VPS51: variants seen among roughly 807,000 people sequenced by gnomAD.
VPS51 encodes the protein VPS51 subunit of GARP complex.
A neutral mutation model predicts 65.1 loss-of-function variants in VPS51; 55 were observed. The observed-to-expected ratio is 0.84, with a 90% CI of 0.68 to 1.06. The LOEUF (loss-of-function observed/expected upper bound fraction) is 1.06, where lower values mean the gene tolerates loss of function less well. VPS51 is among the 50% of genes least tolerant of loss of function. The pLI is 0.00. For synonymous variants in VPS51, 473 were observed against 489.5 expected, an observed-to-expected ratio of 0.97 and a Z score of 0.44; for missense variants, 943 against 1,101.6, an observed-to-expected ratio of 0.86 and a Z score of 2.04.
chr11:65,107,814 CTGCTGCGGAAGCTGCAGT>C lies in VPS51; in HGVS notation c.519_536del (p.Arg175_Leu180del), dbSNP rs1565314150. ...CCTCCGTCCCCCAGGGGTCCACGCG[CTGCTGCGGAAGCTGCAGT>C]TCCTCTTTGAGCTGCCCTCGCGCCT... On this transcript the variant is annotated inframe_deletion, in exon 4 of 10. Transcript: ENST00000279281. The surrounding 1 kb of genome is among the most constrained non-coding windows in gnomAD (Gnocchi z 4.0). 2 of 1,569,588 alleles carry C rather than the reference CTGCTGCGGAAGCTGCAGT, an allele frequency of 1.3e-6. No individual in the cohort carries two copies.
chr11:65,110,018 T>C, intron 7 of VPS51, 95 bp downstream of exon 7: 1 of 1,307,696 alleles, frequency 7.6e-7, no homozygotes, highest in South Asian at 1.4e-5. Flanking sequence ...TGGCAGTCCC[T>C]GCCTGGAGGA....
chr11:65,102,270 G>A (rs1947814730), intron 2 of VPS51, among the ~76,000 whole-genome samples: 1 of 152,176 alleles, frequency 6.6e-6, no homozygotes, highest in African/African-American at 2.4e-5. Context: ...GCCTCCCAAA[G>A]TGCTGGGGTT....
Position 65,107,731 on chromosome 11 carries a change from G to A in VPS51, c.505+4G>A, listed in dbSNP as rs1294834294. ...GAGCGCATCACCAAGCTGGCAGGTG[G>A]GCGCTGCCGGGCAGGGCCTGCAGTG... On this transcript the variant is annotated splice_donor_region_variant and intron_variant, in intron 3 of 9. Transcript: ENST00000279281. This position sits in a 1 kb window ranked among gnomAD's most constrained non-coding sequence, Gnocchi z 4.0. 5 of 1,606,620 alleles carry A rather than the reference G, an allele frequency of 3.1e-6. No individual in the cohort carries two copies. Among genetic ancestry groups the A allele is most frequent in the Non-Finnish European group, 3.4e-6 (4 of 1,175,954 alleles).
chr11:65,109,945 G>A (rs1565317218), intron 7 of VPS51, 22 bp downstream of exon 7: 2 of 1,570,946 alleles, frequency 1.3e-6, no homozygotes, highest in South Asian at 1.2e-5. Context: ...GCTGGCCGGG[G>A]TAGCCCTGAC....
At chr11:65,097,217 G>A (rs1411090106) in intron 2 of VPS51, 90 bp downstream of exon 2, 3 of 1,561,952 alleles carry the variant, frequency 1.9e-6, no homozygotes, top group African/African-American at 1.4e-5. Flanking sequence ...TTAGAGGGGG[G>A]AGACTCAGAT....
intron 9 of VPS51, 56 bp downstream of exon 9, chr11:65,110,837 G>A (rs752013794): frequency 6.2e-7 from 1 of 1,602,792 alleles, no homozygotes; most frequent in African/African-American, 1.3e-5. Flanking sequence ...GTTGGCTGGA[G>A]CAGCCCCACA....
At chr11:65,096,701 T>G in intron 1 of VPS51, 1 of 630,396 alleles carries the variant, frequency 1.6e-6, no homozygotes, top group Non-Finnish European at 2.7e-6. Flanking sequence ...TGAGGTCTTC[T>G]GGGCTGATGT....
At chr11:65,100,798 G>A (rs1436040623) in intron 2 of VPS51, among the ~76,000 whole-genome samples, 5 of 151,864 alleles carry the variant, frequency 3.3e-5, no homozygotes, top group Non-Finnish European at 4.4e-5. Flanking sequence ...CGCTTGCCTC[G>A]GCTTCCCAAA....
In VPS51 at chr11:65,110,501, A is replaced by C; in HGVS notation, c.1898A>C (p.Glu633Ala). Residue 633 changes from glutamate to alanine, a missense_variant, in exon 8 of 10, where the codon GAG becomes GCG. By Grantham distance (107) the Glu-to-Ala change is moderately radical. Transcript: ENST00000279281. ...CACCAGGTGGGGCTCCTGTACGAAG[A>C]GGGTGTTCGCAAGGCCCAGAGCAGC... is the stretch of plus-strand genomic sequence containing the variant. ...IDVQVGLLYE[E>A]GVRKAQSSDS... 6.2e-7 allele frequency: 1 copy of C among 1,613,904 alleles called. No individual in the cohort carries two copies. The highest frequency in any genetic ancestry group is 8.5e-7 in the Non-Finnish European group (1 of 1,179,990).
In VPS51 at chr11:65,108,911, C is replaced by T. The variant is rs143862116; in HGVS notation, c.1440C>T (p.Phe480=). ...TGTCCTTCTCCAACAAGCCCTACTT[C>T]CGGGTACGCCTCCTCTTGGGTGTTC... ...KEVSFSNKPY[F]RGEFCSQGVR... The change falls in exon 5 of 10, where the codon TTC becomes TTT. Residue 480 remains phenylalanine, a synonymous_variant. Coordinates refer to ENST00000279281, the MANE Select transcript of VPS51 (RefSeq NM_013265.4). 75 of 1,612,798 alleles carry T rather than the reference C, an allele frequency of 4.7e-5. No individual in the cohort carries two copies. Among genetic ancestry groups the T allele is most frequent in the African/African-American group, 2.9e-4 (22 of 74,938 alleles).
At position 65,096,729 on chromosome 11, in the gene VPS51, G is replaced by T. The variant is rs1394720846; in HGVS notation, c.228+251G>T. On this transcript the variant is annotated intron_variant, in intron 1 of 9. Transcript: ENST00000279281. Reference sequence around the variant, plus strand: ...GCTGATGTGATAGGCCCGGAATTGGGGGCGTGGCCCAAGCGTTGACAGGCG... The same window carrying T: ...GCTGATGTGATAGGCCCGGAATTGGTGGCGTGGCCCAAGCGTTGACAGGCG... 7 of 643,030 alleles carry T rather than the reference G, an allele frequency of 1.1e-5. No homozygotes were observed. In the Admixed American group the frequency reaches 1.8e-4, roughly 16 times the overall value. The allele number at this position is 643,030 out of a possible 1,614,324, so 39.8% of individuals were successfully genotyped here.
Position 65,111,760 on chromosome 11 carries a change from TTCTGAGG to T in VPS51, c.*174_*180del. ...GGGGGCGGGGTTTTGAAGCTGAGGC[TTCTGAGG>T]CGCCCGCGTCGGGTCCGCCCCCGAG... On this transcript the variant is annotated 3_prime_UTR_variant, in exon 10 of 10. Coordinates refer to ENST00000279281, the MANE Select transcript of VPS51 (RefSeq NM_013265.4). 1 of 1,207,712 alleles carries T rather than the reference TTCTGAGG, an allele frequency of 8.3e-7. No individual in the cohort carries two copies. Among genetic ancestry groups the T allele is most frequent in the South Asian group, 1.6e-5 (1 of 62,638 alleles). The allele number at this position is 1,207,712 out of a possible 1,614,324, so 74.8% of individuals were successfully genotyped here. A position where few individuals can be genotyped will look rare whatever the true frequency, so the allele number is the denominator to read the frequency against.
rs995287930 is a variant in VPS51, at chr11:65,107,206, G to C, written c.359-375G>C. The C allele has an allele frequency of 2.1e-6, 1 of 487,270 alleles. No individual in the cohort carries two copies. The highest frequency in any genetic ancestry group is 2.0e-5 in the African/African-American group (1 of 51,280). The allele number at this position is 487,270 out of a possible 1,614,324, so 30.2% of individuals were successfully genotyped here. A position where few individuals can be genotyped will look rare whatever the true frequency, so the allele number is the denominator to read the frequency against. On this transcript the variant is annotated intron_variant, in intron 2 of 9. Coordinates refer to ENST00000279281, the MANE Select transcript of VPS51 (RefSeq NM_013265.4). The surrounding 1 kb of genome is among the most constrained non-coding windows in gnomAD (Gnocchi z 4.0). Reference sequence around the variant, plus strand: ...ATCCAGGCAGTGCGCTGGACACGCAGATGCGCTTGGGAGCCAGCGGTCCCT... The same window carrying C: ...ATCCAGGCAGTGCGCTGGACACGCACATGCGCTTGGGAGCCAGCGGTCCCT...
At chr11:65,106,579 ATC>A (rs929620750) in intron 2 of VPS51, among the ~76,000 whole-genome samples, 12 of 152,052 alleles carry the variant, frequency 7.9e-5, no homozygotes, top group African/African-American at 2.4e-4. Context: ...GTGAAACTCC[ATC>A]TCTACTAAAA....
rs746849939 is a variant in VPS51 at position 65,111,277 on chromosome 11, C to A, written c.2089-50C>A. On this transcript the variant is annotated intron_variant, in intron 9 of 9. Coordinates refer to ENST00000279281, the MANE Select transcript of VPS51 (RefSeq NM_013265.4). Reference sequence around the variant, plus strand: ...CCCCTGCTTGGAACTTGGGTGTCCCCCACACACACCTGCAGTCCCCAAGCT... The same window carrying A: ...CCCCTGCTTGGAACTTGGGTGTCCCACACACACACCTGCAGTCCCCAAGCT... 2.4e-5 allele frequency: 39 copies of A among 1,597,888 alleles called. 1 individual carries two copies. In the South Asian group the frequency reaches 2.9e-4, roughly 12 times the overall value.
At position 65,111,374 on chromosome 11, in the gene VPS51, G is replaced by C; in HGVS notation, c.2136G>C (p.Leu712=). The C allele has an allele frequency of 6.2e-7, 1 of 1,611,334 alleles. No individual in the cohort carries two copies. The highest frequency in any genetic ancestry group is 8.5e-7 in the Non-Finnish European group (1 of 1,180,010). Residue 712 remains leucine, a synonymous_variant, in exon 10 of 10, where the codon CTG becomes CTC. Coordinates refer to ENST00000279281, the MANE Select transcript of VPS51 (RefSeq NM_013265.4). ...TCAAGATCAGCCTGAAGACGCTGCT[G>C]GAGTGTGTGCGGCTGCGCACCTTTG... ...GIIKISLKTL[L]ECVRLRTFGR... is the part of the protein sequence containing the mutation.
rs1452364664 is a variant in VPS51, at chr11:65,096,310, AG to A, written c.63del (p.Glu23ArgfsTer15). 5.3e-6 allele frequency: 8 copies of A among 1,506,682 alleles called. No individual in the cohort carries two copies. Among genetic ancestry groups the A allele is most frequent in the Non-Finnish European group, 6.2e-6 (7 of 1,133,400 alleles). The allele number at this position is 1,506,682 out of a possible 1,614,324, so 93.3% of individuals were successfully genotyped here. A position where few individuals can be genotyped will look rare whatever the true frequency, so the allele number is the denominator to read the frequency against. ...PGSGPGDSPEGPEGEAPERRR... is the reference protein window; with the variant it reads ...PGSGPGDSPEXPEGEAPERRR... The stretch of plus-strand genomic sequence containing the variant: ...GGTCTGGACCTGGGGACTCCCCAGA[AG>A]GGCCCGAGGGGGAGGCTCCGGAGCG... On this transcript the variant is annotated frameshift_variant, in exon 1 of 10. Coordinates refer to ENST00000279281, the MANE Select transcript of VPS51 (RefSeq NM_013265.4). LOFTEE classifies it high-confidence loss of function.
chr11:65,097,590 C>T (rs1030736238), intron 2 of VPS51, among the ~76,000 whole-genome samples: 5 of 152,180 alleles, frequency 3.3e-5, no homozygotes, highest in African/African-American at 1.2e-4. Flanking sequence ...GTGGCTCATG[C>T]CTGTAATCCC....
At chr11:65,104,649 C>T (rs1947830137) in intron 2 of VPS51, among the ~76,000 whole-genome samples, 1 of 152,076 alleles carries the variant, frequency 6.6e-6, no homozygotes, top group African/African-American at 2.4e-5. Context: ...TGTGCATCTC[C>T]ATTTGTTTAT....
Sources: allele counts gnomAD v4.1 joint callset (sites outside exome capture counted in the v4.1 genomes callset), GRCh38; gene constraint gnomAD v4.1.1; non-coding constraint Gnocchi (gnomAD v3.1); transcripts MANE v1.5; gene names NCBI Gene and HGNC (gene_info 2026-07-23, HGNC 2026-07-21).